Variants in POM121 observed in about 807,000 individuals in gnomAD.
POM121 encodes the protein POM121 transmembrane nucleoporin, also known as nuclear envelope pore membrane protein POM 121.
A neutral mutation model predicts 81.3 loss-of-function variants in POM121; 32 were observed. That is an observed-to-expected ratio of 0.39 (90% CI 0.30 to 0.53). The LOEUF is 0.53. Among genes scored for constraint, POM121 ranks in the 20% least tolerant of loss-of-function variants. The probability of loss-of-function intolerance (pLI) is 0.66; values close to 1 mark genes in which losing one functional copy is unlikely to be tolerated. For synonymous variants in POM121, 514 were observed against 694.2 expected, an observed-to-expected ratio of 0.74 and a Z score of 4.08; for missense variants, 1,138 against 1,614.6, an observed-to-expected ratio of 0.70 and a Z score of 5.06.
chr7:72,894,542 C>T (rs1437421676), intron 3 of POM121, among the ~76,000 whole-genome samples: 1 of 149,762 alleles, frequency 6.7e-6, no homozygotes, highest in Non-Finnish European at 1.5e-5. Flanking sequence ...CGTGCCATTG[C>T]ACTCCAGCCT....
At chr7:72,914,152 C>G (rs1457775294) in intron 4 of POM121, among the ~76,000 whole-genome samples, 1 of 152,198 alleles carries the variant, frequency 6.6e-6, no homozygotes, top group East Asian at 1.9e-4. Context: ...GAAGCCCAAA[C>G]CAGCCCAAAT....
At chr7:72,885,055 C>G (rs1423188628) in intron 1 of POM121, among the ~76,000 whole-genome samples, 1 of 152,154 alleles carries the variant, frequency 6.6e-6, no homozygotes, top group Non-Finnish European at 1.5e-5. Context: ...CTTTTTAAGT[C>G]TGTTTAATAC....
downstream of POM121, chr7:72,948,390 C>G (rs374893272): frequency 9.9e-6 from 16 of 1,613,188 alleles, no homozygotes; most frequent in African/African-American, 2.0e-4. Flanking sequence ...CCTTTCAAAA[C>G]GCAAACTGCT....
At chr7:72,901,094 T>G (rs1334643531) in intron 3 of POM121, among the ~76,000 whole-genome samples, 2 of 151,688 alleles carry the variant, frequency 1.3e-5, no homozygotes, top group Non-Finnish European at 2.9e-5. Context: ...CCAGGAATCC[T>G]CCCACCACAG....
At chr7:72,916,332 T>C (rs1445850434) in intron 4 of POM121, among the ~76,000 whole-genome samples, 1 of 152,240 alleles carries the variant, frequency 6.6e-6, no homozygotes, top group African/African-American at 2.4e-5. Flanking sequence ...TAATCCATCT[T>C]GAGTTAGTTT....
intron 1 of POM121, among the ~76,000 whole-genome samples, chr7:72,887,560 A>G (rs1168182265): frequency 2.0e-5 from 3 of 152,206 alleles, no homozygotes; most frequent in Non-Finnish European, 2.9e-5. Context: ...ATGGTGGCTT[A>G]TACCTGTAAT....
In POM121 at chr7:72,899,750, T is replaced by C. The variant is rs1378231895; in HGVS notation, c.-216+8640T>C. 6.6e-5 allele frequency among the ~76,000 whole-genome samples: 10 copies of C among 152,032 alleles called. No individual in the cohort carries two copies. The East Asian group carries it at 1.9e-3, about 29-fold the overall frequency. ...TGTGCCACCACGCCCGGCTAATTTTTTTCTATTTTTAGTAGAGATGGGGTT... is the reference window on the plus strand; with the variant it reads ...TGTGCCACCACGCCCGGCTAATTTTCTTCTATTTTTAGTAGAGATGGGGTT... On this transcript the variant is annotated intron_variant, in intron 3 of 15. Coordinates refer to the POM121 transcript ENST00000395270.
At chr7:72,935,167 G>GTTAT (rs1273306153) in intron 5 of POM121, among the ~76,000 whole-genome samples, 1 of 151,608 alleles carries the variant, frequency 6.6e-6, no homozygotes, top group African/African-American at 2.4e-5. Flanking sequence ...ATGGAATGTC[G>GTTAT]TTATTTATTT....
intron 3 of POM121, among the ~76,000 whole-genome samples, chr7:72,893,069 GT>G (rs1258772784): frequency 6.6e-6 from 1 of 151,928 alleles, no homozygotes; most frequent in Non-Finnish European, 1.5e-5. Context: ...AGTGATTCTT[GT>G]GCTCAGCCTC....
intron 3 of POM121, among the ~76,000 whole-genome samples, chr7:72,901,197 C>T (rs180695781): frequency 1.3e-4 from 20 of 151,082 alleles, no homozygotes; most frequent in South Asian, 2.1e-4. Flanking sequence ...GTGAAAGTCA[C>T]GCACCTTTTT....
chr7:72,909,622 C>G (rs1393113232), intron 3 of POM121, among the ~76,000 whole-genome samples: 2 of 152,112 alleles, frequency 1.3e-5, no homozygotes, highest in African/African-American at 2.4e-5. Context: ...GCCTCCCACA[C>G]CTGTGTGCAA....
chr7:72,924,994 C>A, upstream of POM121: 1 of 1,324,990 alleles, frequency 7.5e-7, no homozygotes, highest in South Asian at 2.0e-5. Context: ...CCAGTTGGGT[C>A]TCGGGCGCTG....
exon 1 of POM121, chr7:72,879,677 T>G (rs1431547795): frequency 4.8e-6 from 2 of 415,324 alleles, no homozygotes; most frequent in Admixed American, 2.8e-5. Flanking sequence ...GCCGTCGCTG[T>G]ACGGTGAGCC....
chr7:72,909,526 T>TA (rs1793600733), intron 3 of POM121, among the ~76,000 whole-genome samples: 2 of 152,180 alleles, frequency 1.3e-5, no homozygotes, highest in Admixed American at 1.3e-4. Context: ...CTCAACCTGT[T>TA]TAGATTCGGG....
Position 72,907,400 on chromosome 7 carries a change from A to G in POM121, c.-215-6365A>G, listed in dbSNP as rs1219133334. ...CCATCAAATATAATTTTTAAACTCA[A>G]GAAATTATATTCACCCAGATATTTA... On this transcript the variant is annotated intron_variant, in intron 3 of 15. Coordinates refer to the POM121 transcript ENST00000395270. 8.5e-5 allele frequency among the ~76,000 whole-genome samples: 13 copies of G among 152,256 alleles called. No individual in the cohort carries two copies. In the East Asian group the frequency reaches 2.5e-3, roughly 29 times the overall value.
At chr7:72,937,864 A>T (rs1336627830) in intron 5 of POM121, among the ~76,000 whole-genome samples, 3 of 152,376 alleles carry the variant, frequency 2.0e-5, no homozygotes, top group African/African-American at 7.2e-5. Context: ...TCATCACATG[A>T]TGATAAATGC....
chr7:72,939,915 C>T lies in POM121; in HGVS notation c.1510C>T (p.Arg504Cys), dbSNP rs1414018266. ...GTCTACACCTGGCAGCTCTGGGCAG[C>T]GTAAGCGGAAAGTTCAGCTGCTGCC... The part of the protein sequence containing the change: ...SQSTPGSSGQ[R>C]KRKVQLLPSR... Residue 504 changes from arginine to cysteine, a missense_variant, in exon 8 of 13, where the codon CGT (arginine) becomes TGT (cysteine). By Grantham distance (180) the Arg-to-Cys change is radical. Around this residue, in one of 7 missense-constraint regions of POM121, gnomAD observed 24 missense variants for 54.3 expected, o/e 0.44. Transcript: ENST00000434423. The T allele has an allele frequency of 6.2e-6, 10 of 1,608,164 alleles. No individual in the cohort carries two copies. The highest frequency in any genetic ancestry group is 5.0e-5 in the Admixed American group (3 of 59,846).
At chr7:72,893,366 G>A (rs1332909928) in intron 3 of POM121, among the ~76,000 whole-genome samples, 2 of 151,562 alleles carry the variant, frequency 1.3e-5, no homozygotes, top group Non-Finnish European at 2.9e-5. Context: ...GGCGGATCAC[G>A]AGGTCAGGAG....
At chr7:72,919,846 A>G (rs1563149906) in intron 4 of POM121, among the ~76,000 whole-genome samples, 1 of 152,204 alleles carries the variant, frequency 6.6e-6, no homozygotes, top group Non-Finnish European at 1.5e-5. Context: ...TGCCTTCAGC[A>G]CTTTAAAGAT....
Sources: allele counts gnomAD v4.1 joint callset (sites outside exome capture counted in the v4.1 genomes callset), GRCh38; gene constraint gnomAD v4.1.1; regional missense constraint gnomAD v4.1.1; transcripts MANE v1.5; gene names NCBI Gene and HGNC (gene_info 2026-07-23, HGNC 2026-07-21).